Variants in NUP133 observed in about 807,000 individuals in gnomAD.
NUP133 encodes the protein nuclear pore complex protein Nup133.
Under a neutral mutation model 146.2 loss-of-function variants are expected in NUP133, and 66 were observed. The ratio of observed to expected loss-of-function variants is 0.45; its 90% CI spans 0.37 to 0.55. The LOEUF is 0.55. Ranked by LOEUF, NUP133 falls within the 20% of genes least tolerant of loss-of-function variation. The probability of loss-of-function intolerance (pLI) is 0.00; values close to 1 mark genes in which losing one functional copy is unlikely to be tolerated. For synonymous variants in NUP133, 521 were observed against 498.8 expected, an observed-to-expected ratio of 1.04 and a Z score of -0.59; for missense variants, 1,277 against 1,374.8, an observed-to-expected ratio of 0.93 and a Z score of 1.12.
intron 12 of NUP133, among the ~76,000 whole-genome samples, chr1:229,479,820 G>C (rs1215756846): frequency 1.3e-5 from 2 of 152,182 alleles, no homozygotes; most frequent in African/African-American, 2.4e-5. Context: ...TAGACAGAGA[G>C]GGAATGTGGT....
intron 15 of NUP133, among the ~76,000 whole-genome samples, chr1:229,467,520 T>C (rs1660852132): frequency 6.6e-6 from 1 of 152,242 alleles, no homozygotes; most frequent in African/African-American, 2.4e-5. Context: ...TTCTTCCTTT[T>C]GCATTTCTGA....
At chr1:229,461,279 C>T (rs911290824) in intron 19 of NUP133, among the ~76,000 whole-genome samples, 1 of 152,006 alleles carries the variant, frequency 6.6e-6, no homozygotes, top group Non-Finnish European at 1.5e-5. Context: ...TCTAGAGAGG[C>T]CCAAATGCCC....
At chr1:229,485,930 G>A (rs748506257) in intron 11 of NUP133, among the ~76,000 whole-genome samples, 8 of 152,156 alleles carry the variant, frequency 5.3e-5, no homozygotes, top group Admixed American at 6.5e-5. Flanking sequence ...TTGGGAGGCC[G>A]AGGCGGGAGG....
chr1:229,485,902 G>A (rs1012971985), intron 11 of NUP133, among the ~76,000 whole-genome samples: 3 of 152,128 alleles, frequency 2.0e-5, no homozygotes, highest in South Asian at 2.1e-4. Flanking sequence ...GTGGCTCCAC[G>A]CCAGTAATCC....
chr1:229,485,619 T>C (rs1219609126), intron 11 of NUP133, among the ~76,000 whole-genome samples: 1 of 151,830 alleles, frequency 6.6e-6, no homozygotes, highest in Non-Finnish European at 1.5e-5. Flanking sequence ...GAGGAAGGAG[T>C]ATAAGGTAAC....
At chr1:229,458,703 T>C (rs1416971371) in intron 20 of NUP133, among the ~76,000 whole-genome samples, 1 of 150,314 alleles carries the variant, frequency 6.7e-6, no homozygotes, top group Non-Finnish European at 1.5e-5. Context: ...CAAATCATGA[T>C]GGACTACATT....
chr1:229,444,690 T>C (rs1660264058), intron 25 of NUP133, among the ~76,000 whole-genome samples: 1 of 151,056 alleles, frequency 6.6e-6, no homozygotes, highest in South Asian at 2.1e-4. Flanking sequence ...TTACTAAAAA[T>C]ACAAAAATTA....
At chr1:229,507,647 G>C (rs1049827683) in intron 1 of NUP133, among the ~76,000 whole-genome samples, 1 of 152,164 alleles carries the variant, frequency 6.6e-6, no homozygotes, top group African/African-American at 2.4e-5. Context: ...TGATCTTTCA[G>C]GGTTGTAGGT....
At chr1:229,478,115 C>T (rs376387319) in intron 12 of NUP133, among the ~76,000 whole-genome samples, 134 of 151,980 alleles carry the variant, frequency 8.8e-4, no homozygotes, top group African/African-American at 3.0e-3. Flanking sequence ...ATGTACCCCA[C>T]AAACGTATAC....
intron 21 of NUP133, among the ~76,000 whole-genome samples, chr1:229,452,978 A>C (rs1319546915): frequency 1.3e-5 from 2 of 152,092 alleles, no homozygotes; most frequent in African/African-American, 4.8e-5. Flanking sequence ...AAGTGTGGAG[A>C]TCTCTCCATC....
intron 5 of NUP133, chr1:229,499,305 A>T (rs1030898093): frequency 4.3e-6 from 2 of 467,348 alleles, no homozygotes; most frequent in East Asian, 1.4e-4. Flanking sequence ...AAAGAAATTC[A>T]TATCACAAGC....
At chr1:229,465,275 G>A (rs1660787071) in intron 17 of NUP133, 145 bp downstream of exon 17, 1 of 663,496 alleles carries the variant, frequency 1.5e-6, no homozygotes, top group Non-Finnish European at 2.6e-6. Context: ...GACGAATAAA[G>A]TGATTTTGAC....
rs550205623 is a variant in NUP133 at position 229,491,587 on chromosome 1, T to C, written c.1047-1485A>G. On this transcript the variant is annotated intron_variant, in intron 8 of 25. Coordinates refer to ENST00000261396, the MANE Select transcript of NUP133 (RefSeq NM_018230.3). Reference sequence around the variant, plus strand: ...TCAGGCCAGGAATTCGAGACCAGCCTGGCCAACATGGCAAAATCCCATCTC... The same window carrying C: ...TCAGGCCAGGAATTCGAGACCAGCCCGGCCAACATGGCAAAATCCCATCTC... Among the ~76,000 whole-genome samples, 23 of 152,342 alleles carry C rather than the reference T, an allele frequency of 1.5e-4. 1 individual carries two copies. The highest frequency in any genetic ancestry group is 5.5e-4 in the African/African-American group (23 of 41,580).
chr1:229,475,279 G>A (rs934736436), intron 14 of NUP133, among the ~76,000 whole-genome samples: 21 of 152,156 alleles, frequency 1.4e-4, no homozygotes, highest in Non-Finnish European at 2.9e-4. Context: ...CAATATATGT[G>A]AGGATAACCT....
At chr1:229,507,805 G>A in intron 1 of NUP133, 1 of 560,472 alleles carries the variant, frequency 1.8e-6, no homozygotes, top group Non-Finnish European at 2.3e-6. Context: ...TGGGAAGTAG[G>A]TAAACACTGA....
rs2102767015 is a variant in NUP133, at chr1:229,476,698, T to G, written c.1756+899A>C. The stretch of plus-strand genomic sequence containing the variant: ...CAGCACTTTGGGAGATCAAAGCGGG[T>G]GGACCACCTGAGGTCAGGAGTTCAA... On this transcript the variant is annotated intron_variant, in intron 13 of 25. Coordinates refer to ENST00000261396, the MANE Select transcript of NUP133 (RefSeq NM_018230.3). Among the ~76,000 whole-genome samples the G allele has an allele frequency of 1.3e-5, 2 of 152,012 alleles. 1 individual carries two copies. The highest frequency in any genetic ancestry group is 4.8e-5 in the African/African-American group (2 of 41,456).
chr1:229,442,474 A>G (rs1411560381), intron 25 of NUP133, among the ~76,000 whole-genome samples: 4 of 152,254 alleles, frequency 2.6e-5, no homozygotes, highest in Admixed American at 2.6e-4. Flanking sequence ...TCATTTCTTC[A>G]CAAGTCATCC....
chr1:229,452,649 A>G lies in NUP133; in HGVS notation c.2981-6T>C, dbSNP rs1571907729. On this transcript the variant is annotated splice_region_variant and splice_polypyrimidine_tract_variant and intron_variant, in intron 21 of 25. Transcript: ENST00000261396. Reference sequence around the variant, plus strand: ...GCGCTCCTGCTCAGCCATTTCTAGTATTCAAGATGAGAGGGAGGGAAAGAG... The same window carrying G: ...GCGCTCCTGCTCAGCCATTTCTAGTGTTCAAGATGAGAGGGAGGGAAAGAG... The G allele has an allele frequency of 6.3e-7, 1 of 1,594,044 alleles. No individual in the cohort carries two copies. Among genetic ancestry groups the G allele is most frequent in the Admixed American group, 1.7e-5 (1 of 58,522 alleles).
intron 5 of NUP133, among the ~76,000 whole-genome samples, chr1:229,498,685 G>A (rs767310999): frequency 2.4e-4 from 37 of 151,846 alleles, no homozygotes; most frequent in Non-Finnish European, 5.3e-4. Context: ...GAACCCAGGA[G>A]GCAGAGGTTG....
Sources: allele counts gnomAD v4.1 joint callset (sites outside exome capture counted in the v4.1 genomes callset), GRCh38; gene constraint gnomAD v4.1.1; transcripts MANE v1.5; gene names NCBI Gene and HGNC (gene_info 2026-07-23, HGNC 2026-07-21).